MACF1: variants seen among roughly 807,000 people sequenced by gnomAD.
MACF1 encodes the protein microtubule-actin cross-linking factor 1.
In MACF1, 193 loss-of-function variants were observed where a neutral mutation model predicts 854.8. That is an observed-to-expected ratio of 0.23 (90% CI 0.20 to 0.25). MACF1 has a LOEUF of 0.25. Among genes scored for constraint, MACF1 ranks in the 10% least tolerant of loss-of-function variants. The probability of loss-of-function intolerance (pLI) is 1.00; values close to 1 mark genes in which losing one functional copy is unlikely to be tolerated. For synonymous variants in MACF1, 3,185 were observed against 3,226.7 expected (o/e 0.99, Z 0.44); for missense variants, 7,722 against 8,929.1 (o/e 0.86, Z 5.45).
intron 2 of MACF1, among the ~76,000 whole-genome samples, chr1:39,148,150 G>C (rs1047483386): frequency 5.9e-5 from 9 of 152,108 alleles, no homozygotes; most frequent in Non-Finnish European, 7.3e-5. Flanking sequence ...CTTTGTGATA[G>C]TATTTATCAT....
At position 39,460,832 on chromosome 1, in the gene MACF1, G is replaced by A; in HGVS notation, c.21523+38G>A. Reference sequence around the variant, plus strand: ...ATCATTCCAAACATGGGTCACACCTGGATTCCTTGCACTTTGTAGAAGCTG... The same window carrying A: ...ATCATTCCAAACATGGGTCACACCTAGATTCCTTGCACTTTGTAGAAGCTG... On this transcript the variant is annotated intron_variant, in intron 92 of 100. Transcript: ENST00000564288. This position sits in a 1 kb window ranked among gnomAD's most constrained non-coding sequence, Gnocchi z 4.1. 6.2e-7 allele frequency: 1 copy of A among 1,608,598 alleles called. No homozygotes were observed. The highest frequency in any genetic ancestry group is 8.5e-7 in the Non-Finnish European group (1 of 1,175,376).
intron 66 of MACF1, 65 bp from the exon 67 acceptor site, chr1:39,432,470 A>C: frequency 6.8e-7 from 1 of 1,480,886 alleles, no homozygotes; most frequent in Non-Finnish European, 9.4e-7. Flanking sequence ...TTGTTGAATA[A>C]ATTGCAGTTA....
Position 39,331,187 on chromosome 1 carries a change from T to C in MACF1, c.4615-16T>C. 1 of 1,307,814 alleles carries C rather than the reference T, an allele frequency of 7.6e-7. No homozygotes were observed. The highest frequency in any genetic ancestry group is 2.9e-5 in the East Asian group (1 of 34,248). 81.0% of individuals were successfully genotyped at this position (1,307,814 alleles called of 1,614,324 possible). ...TTCTCTTTTCCTTTTTTTTTTTTTT[T>C]TTTTTTTTTTTTTAGGAATGCAGAG... On this transcript the variant is annotated splice_polypyrimidine_tract_variant and intron_variant, in intron 36 of 100. Coordinates refer to ENST00000564288, the MANE Select transcript of MACF1 (RefSeq NM_001394062.1).
chr1:39,452,696 C>G lies in MACF1; in HGVS notation c.20626C>G (p.Arg6876Gly). ...TTGGTTATTTCAGGCGGAAGTGTTT[C>G]GAGACACAGTCCACATGCTGTTGGA... is the stretch of plus-strand genomic sequence containing the variant. Reference protein sequence around the residue: ...EQALKQAEVFRDTVHMLLEWL... With the variant: ...EQALKQAEVFGDTVHMLLEWL... Residue 6876 changes from arginine to glycine, a missense_variant, in exon 87 of 101, where the codon CGA (arginine) becomes GGA (glycine). Arg to Gly is a moderately radical substitution (Grantham distance 125, BLOSUM62 -2). Transcript: ENST00000564288. The G allele has an allele frequency of 6.2e-7, 1 of 1,613,044 alleles. No homozygotes were observed. The highest frequency in any genetic ancestry group is 8.5e-7 in the Non-Finnish European group (1 of 1,179,992).
At chr1:39,393,196 A>AAAAAATATATATATAT (rs57576149) in intron 58 of MACF1, among the ~76,000 whole-genome samples, 2 of 66,566 alleles carry the variant, frequency 3.0e-5, no homozygotes, top group African/African-American at 1.7e-4. Context: ...AAAAAAAAAA[A>AAAAAATATATATATAT]ATATATATAT....
At chr1:39,450,945 C>G in intron 84 of MACF1, 107 bp from the exon 85 acceptor site, 1 of 1,236,944 alleles carries the variant, frequency 8.1e-7, no homozygotes, top group Non-Finnish European at 1.1e-6. Context: ...ACATAGAAGT[C>G]ACTCTCTATA....
At chr1:39,478,921 C>T (rs1344431989) in intron 97 of MACF1, among the ~76,000 whole-genome samples, 1 of 152,214 alleles carries the variant, frequency 6.6e-6, no homozygotes, top group Non-Finnish European at 1.5e-5. Flanking sequence ...AGGATTACAT[C>T]TTACAGTGAG....
At chr1:39,317,132 C>G (rs181381286) in intron 28 of MACF1, 82 bp from the exon 29 acceptor site, 4 of 1,345,036 alleles carry the variant, frequency 3.0e-6, no homozygotes, top group Admixed American at 4.7e-5. Flanking sequence ...AGCTGTAGAC[C>G]GTGTCCTTGT....
intron 58 of MACF1, chr1:39,412,726 G>A: frequency 6.2e-7 from 1 of 1,613,806 alleles, no homozygotes. Context: ...TGGTAATACT[G>A]AACCAGTTTT....
At chr1:39,285,850 T>A (rs1309227114) in intron 14 of MACF1, 92 bp downstream of exon 14, 17 of 1,426,636 alleles carry the variant, frequency 1.2e-5, no homozygotes. Flanking sequence ...ACTTAATCTT[T>A]TAACCTGGAC....
chr1:39,248,014 C>G (rs945351358), intron 2 of MACF1, among the ~76,000 whole-genome samples: 1 of 152,188 alleles, frequency 6.6e-6, no homozygotes, highest in Non-Finnish European at 1.5e-5. Flanking sequence ...GAGCAAGACT[C>G]TGTCTCAAAA....
chr1:39,456,456 G>A (rs1644441173), intron 89 of MACF1, among the ~76,000 whole-genome samples: 1 of 152,198 alleles, frequency 6.6e-6, no homozygotes, highest in Non-Finnish European at 1.5e-5. Context: ...AGGCTAACGT[G>A]TTTTGAGCAT....
In MACF1 at chr1:39,447,887, C is replaced by A. The variant is rs760816721; in HGVS notation, c.19957C>A (p.Arg6653=). 9.3e-6 allele frequency: 15 copies of A among 1,613,582 alleles called. No individual in the cohort carries two copies. In the Admixed American group the frequency reaches 1.5e-4, roughly 16 times the overall value. ...RGRSLDDARK[R]AKQFHEAWKK... Reference sequence around the variant, plus strand: ...GCGATCACTAGATGATGCCAGGAAGCGGGCAAAACAAGTAAGTTGGGGAAG... The same window carrying A: ...GCGATCACTAGATGATGCCAGGAAGAGGGCAAAACAAGTAAGTTGGGGAAG... The change falls in exon 82 of 101, where the codon CGG becomes AGG. Residue 6653 remains arginine, a synonymous_variant. Transcript: ENST00000564288.
chr1:39,485,403 A>T (rs1221295518), intron 100 of MACF1, 135 bp from the exon 101 acceptor site: 1 of 1,038,366 alleles, frequency 9.6e-7, no homozygotes, highest in Non-Finnish European at 1.4e-6. Context: ...TTCTGTATGG[A>T]TGAGGAAACT....
chr1:39,201,904 TC>T (rs1239094666), upstream of MACF1, among the ~76,000 whole-genome samples: 23 of 151,798 alleles, frequency 1.5e-4, no homozygotes, highest in Non-Finnish European at 2.9e-4. Flanking sequence ...TTGCACTTGT[TC>T]TTTGGCTTAT....
chr1:39,483,570 G>T (rs1173551007), intron 99 of MACF1, among the ~76,000 whole-genome samples: 1 of 152,138 alleles, frequency 6.6e-6, no homozygotes, highest in African/African-American at 2.4e-5. Flanking sequence ...TGGCTGGGAT[G>T]GACTGATGAG....
chr1:39,435,595 T>C lies in MACF1; in HGVS notation c.17822T>C (p.Ile5941Thr), dbSNP rs1000492142. 1.2e-6 allele frequency: 2 copies of C among 1,614,062 alleles called. No homozygotes were observed. Among genetic ancestry groups the C allele is most frequent in the African/African-American group, 2.7e-5 (2 of 74,928 alleles). Residue 5941 changes from isoleucine to threonine, a missense_variant, in exon 70 of 101, where the codon ATT becomes ACT. By Grantham distance (89) the Ile-to-Thr change is moderately conservative (BLOSUM62 -1). Transcript: ENST00000564288. ...RESIAEHKPH[I>T]DKLLKIGPQL... ...TCTATTGCTGAACACAAACCTCATA[T>C]TGACAAACTACTAAAGATAGGCCCA...
Position 39,335,289 on chromosome 1 carries a change from A to T in MACF1, c.8701A>T (p.Asn2901Tyr), listed in dbSNP as rs746140887. 2 of 1,614,140 alleles carry T rather than the reference A, an allele frequency of 1.2e-6. No individual in the cohort carries two copies. Among genetic ancestry groups the T allele is most frequent in the Non-Finnish European group, 1.7e-6 (2 of 1,179,990 alleles). ...DFKLKEVARNNMGNDTNEEQE... is the reference protein window; with the variant it reads ...DFKLKEVARNYMGNDTNEEQE... ...TAAACTTAAAGAAGTGGCTAGAAAT[A>T]ACATGGGAAATGATACAAATGAAGA... Residue 2901 changes from asparagine to tyrosine, a missense_variant, in exon 37 of 101, where the codon AAC (asparagine) becomes TAC (tyrosine). Transcript: ENST00000564288.
chr1:39,190,671 T>TA (rs951941025), intron 2 of MACF1, among the ~76,000 whole-genome samples: 8 of 151,990 alleles, frequency 5.3e-5, no homozygotes, highest in African/African-American at 1.9e-4. Context: ...CTCTTTTTGA[T>TA]AAAAATCAGG....
Sources: allele counts gnomAD v4.1 joint callset (sites outside exome capture counted in the v4.1 genomes callset), GRCh38; gene constraint gnomAD v4.1.1; non-coding constraint Gnocchi (gnomAD v3.1); transcripts MANE v1.5; gene names NCBI Gene and HGNC (gene_info 2026-07-23, HGNC 2026-07-21).